Variants in KCNH7 observed in about 807,000 individuals in gnomAD.
KCNH7 encodes voltage-gated inwardly rectifying potassium channel KCNH7.
KCNH7 carries 49 observed loss-of-function variants against 120.8 expected under a neutral mutation model. That is an observed-to-expected ratio of 0.41 (90% CI 0.32 to 0.51). KCNH7 has a LOEUF of 0.51. Ranked by LOEUF, KCNH7 falls within the 20% of genes least tolerant of loss-of-function variation. The probability of loss-of-function intolerance (pLI) is 0.38; values close to 1 mark genes in which losing one functional copy is unlikely to be tolerated. For missense variants in KCNH7, 1,097 were observed against 1,446.6 expected (o/e 0.76, Z 3.92); for synonymous variants, 547 against 516.1 (o/e 1.06, Z -0.81).
chr2:162,389,423 A>T (rs1011126303), intron 12 of KCNH7, among the ~76,000 whole-genome samples: 1 of 152,000 alleles, frequency 6.6e-6, no homozygotes, highest in Non-Finnish European at 1.5e-5. Flanking sequence ...AATTGAGGCT[A>T]CTTGCCGACT....
At chr2:162,402,371 T>C (rs1687090804) in intron 9 of KCNH7, among the ~76,000 whole-genome samples, 1 of 147,432 alleles carries the variant, frequency 6.8e-6, no homozygotes, top group Non-Finnish European at 1.5e-5. Context: ...CACAGCATTC[T>C]AAAATGCTGG....
intron 5 of KCNH7, among the ~76,000 whole-genome samples, chr2:162,506,806 ACT>A (rs1220624470): frequency 6.6e-6 from 1 of 151,860 alleles, no homozygotes; most frequent in Non-Finnish European, 1.5e-5. Flanking sequence ...AATTGGCTAC[ACT>A]TATATAAGCA....
At chr2:162,730,777 A>G (rs1687696494) in intron 2 of KCNH7, among the ~76,000 whole-genome samples, 1 of 152,074 alleles carries the variant, frequency 6.6e-6, no homozygotes, top group Non-Finnish European at 1.5e-5. Context: ...AAAAAGGAAA[A>G]TATGTTCCAG....
At chr2:162,814,067 C>A (rs886819442) in intron 2 of KCNH7, among the ~76,000 whole-genome samples, 2 of 152,080 alleles carry the variant, frequency 1.3e-5, no homozygotes, top group Non-Finnish European at 1.5e-5. Context: ...TGCCAAGCGA[C>A]CTTGGGCAAT....
At chr2:162,717,360 A>G (rs73974052) in intron 2 of KCNH7, among the ~76,000 whole-genome samples, 2,205 of 152,184 alleles carry the variant, frequency 0.014, 41 homozygotes, top group East Asian at 0.079. Context: ...ATAATATTCA[A>G]TAAAGCTAGC....
At chr2:162,776,659 G>A (rs1683252184) in intron 2 of KCNH7, among the ~76,000 whole-genome samples, 1 of 152,056 alleles carries the variant, frequency 6.6e-6, no homozygotes, top group Non-Finnish European at 1.5e-5. Flanking sequence ...GCTCAGTCTA[G>A]GACTTTATGA....
At chr2:162,395,558 G>C (rs1686886686) in intron 11 of KCNH7, among the ~76,000 whole-genome samples, 1 of 151,668 alleles carries the variant, frequency 6.6e-6, no homozygotes, top group South Asian at 2.1e-4. Context: ...GAAGTTATGA[G>C]AGGTAGATAT....
chr2:162,620,527 T>C (rs551836589), intron 2 of KCNH7, among the ~76,000 whole-genome samples: 1 of 152,258 alleles, frequency 6.6e-6, no homozygotes, highest in South Asian at 2.1e-4. Flanking sequence ...TTAAAAGTCT[T>C]CTTCCAACAT....
At chr2:162,837,575 C>G (rs2105634014) in intron 1 of KCNH7, among the ~76,000 whole-genome samples, 2 of 152,284 alleles carry the variant, frequency 1.3e-5, no homozygotes, top group South Asian at 4.1e-4. Flanking sequence ...ATCCTCACAT[C>G]ACTAAATGCA....
At chr2:162,708,383 G>T (rs1476445263) in intron 2 of KCNH7, among the ~76,000 whole-genome samples, 1 of 151,924 alleles carries the variant, frequency 6.6e-6, no homozygotes, top group East Asian at 1.9e-4. Flanking sequence ...AAAGAAAAAA[G>T]AATTTTTAAA....
At chr2:162,686,445 T>C (rs751204564) in intron 2 of KCNH7, among the ~76,000 whole-genome samples, 2 of 152,150 alleles carry the variant, frequency 1.3e-5, no homozygotes, top group Admixed American at 6.6e-5. Flanking sequence ...ATATTCTATT[T>C]ATTATCAGAG....
intron 6 of KCNH7, among the ~76,000 whole-genome samples, chr2:162,460,594 C>T (rs1689116006): frequency 6.6e-6 from 1 of 152,172 alleles, no homozygotes; most frequent in Admixed American, 6.5e-5. Flanking sequence ...CAAAGAACAC[C>T]AAGATTTCTA....
At chr2:162,747,625 C>T (rs528628872) in intron 2 of KCNH7, among the ~76,000 whole-genome samples, 1 of 152,220 alleles carries the variant, frequency 6.6e-6, no homozygotes, top group East Asian at 1.9e-4. Context: ...GGGTATAAGA[C>T]TGGCTTGCTA....
At chr2:162,782,005 T>G (rs774627161) in intron 2 of KCNH7, among the ~76,000 whole-genome samples, 12 of 152,262 alleles carry the variant, frequency 7.9e-5, no homozygotes, top group Non-Finnish European at 1.8e-4. Flanking sequence ...TTATTAATTT[T>G]GAAATATGGC....
At chr2:162,607,384 A>G (rs1421163328) in intron 2 of KCNH7, among the ~76,000 whole-genome samples, 1 of 151,596 alleles carries the variant, frequency 6.6e-6, no homozygotes, top group South Asian at 2.1e-4. Context: ...GGTGAGACTC[A>G]GTCTCAAAAA....
intron 2 of KCNH7, among the ~76,000 whole-genome samples, chr2:162,694,905 G>C (rs138292366): frequency 2.0e-4 from 30 of 151,996 alleles, no homozygotes; most frequent in African/African-American, 7.0e-4. Flanking sequence ...CACCATGCCA[G>C]CTAATTTTTG....
chr2:162,745,253 C>T (rs1032927147), intron 2 of KCNH7, among the ~76,000 whole-genome samples: 1 of 152,130 alleles, frequency 6.6e-6, no homozygotes, highest in Non-Finnish European at 1.5e-5. Flanking sequence ...AGCCATTTGT[C>T]GATTCAATCT....
At chr2:162,782,529 G>C (rs1011093801) in intron 2 of KCNH7, among the ~76,000 whole-genome samples, 3 of 152,130 alleles carry the variant, frequency 2.0e-5, no homozygotes, top group Admixed American at 6.5e-5. Flanking sequence ...CTGGAGCTGA[G>C]GGAAGGAGAG....
At chr2:162,790,924 A>G (rs1683914492) in intron 2 of KCNH7, among the ~76,000 whole-genome samples, 1 of 152,112 alleles carries the variant, frequency 6.6e-6, no homozygotes. Context: ...CAGGATGCCC[A>G]TTCTCACCAC....
Sources: gnomAD v4.1 joint callset for allele counts (sites outside exome capture counted in the v4.1 genomes callset) on GRCh38, gnomAD v4.1.1 for gene constraint, MANE v1.5 for transcripts, NCBI Gene and HGNC (gene_info 2026-07-23, HGNC 2026-07-21) for gene names.